The following FMNL2 variants were observed in gnomAD, a reference collection of about 807,000 sequenced individuals.
FMNL2 encodes formin like 2, also known as formin-like protein 2.
Under a neutral mutation model 130.2 loss-of-function variants are expected in FMNL2, and 51 were observed. That is an observed-to-expected ratio of 0.39 (90% confidence interval 0.31 to 0.49). The LOEUF (loss-of-function observed/expected upper bound fraction) is 0.49. Ranked by LOEUF, FMNL2 falls within the 20% of genes least tolerant of loss-of-function variation. The probability of loss-of-function intolerance (pLI) is 0.85; values close to 1 mark genes in which losing one functional copy is unlikely to be tolerated. For synonymous variants in FMNL2, 465 were observed against 467.1 expected (o/e 1.00, Z 0.06); for missense variants, 977 against 1,316.2 (o/e 0.74, Z 3.99).
At chr2:152,389,807 C>T (rs1426107306) in intron 1 of FMNL2, 1 of 1,380,400 alleles carries the variant, frequency 7.2e-7, no homozygotes, top group Admixed American at 1.7e-5. Context: ...GACTTTTTCA[C>T]TGCAGGAGAA....
intron 1 of FMNL2, among the ~76,000 whole-genome samples, chr2:152,419,185 T>C (rs898407556): frequency 7.2e-5 from 11 of 152,194 alleles, no homozygotes; most frequent in Non-Finnish European, 1.2e-4. Flanking sequence ...GGACAAATTA[T>C]AGTTGCAAAT....
intron 9 of FMNL2, among the ~76,000 whole-genome samples, chr2:152,606,370 A>G (rs995312788): frequency 2.6e-5 from 4 of 152,218 alleles, no homozygotes; most frequent in Non-Finnish European, 5.9e-5. Context: ...TTTGCCCCAA[A>G]AAAGTCAACC....
chr2:152,543,727 ACC>A (rs1694449797), intron 3 of FMNL2, among the ~76,000 whole-genome samples: 1 of 111,972 alleles, frequency 8.9e-6, no homozygotes, highest in African/African-American at 3.2e-5. Context: ...CCACCCCCCG[ACC>A]AAAAAAAAAA....
At chr2:152,391,489 G>T (rs941332818) in intron 1 of FMNL2, among the ~76,000 whole-genome samples, 12 of 152,086 alleles carry the variant, frequency 7.9e-5, no homozygotes, top group African/African-American at 2.9e-4. Flanking sequence ...ATCTGGCTGG[G>T]AGGTGTAATT....
chr2:152,461,406 C>G (rs1272213395), intron 1 of FMNL2, among the ~76,000 whole-genome samples: 5 of 151,708 alleles, frequency 3.3e-5, no homozygotes, highest in Non-Finnish European at 1.5e-5. Flanking sequence ...TGATTTACTC[C>G]TAATGCACAT....
At chr2:152,340,124 T>C (rs1261733244) in intron 1 of FMNL2, among the ~76,000 whole-genome samples, 2 of 152,174 alleles carry the variant, frequency 1.3e-5, no homozygotes, top group Admixed American at 6.5e-5. Context: ...AGGTCGAGGC[T>C]GAAGTGAGCT....
At chr2:152,430,423 A>G (rs1460062677) in intron 1 of FMNL2, among the ~76,000 whole-genome samples, 1 of 152,178 alleles carries the variant, frequency 6.6e-6, no homozygotes, top group Non-Finnish European at 1.5e-5. Flanking sequence ...AACTCATTTA[A>G]TTGGAGATGA....
At chr2:152,640,350 T>TC in intron 24 of FMNL2, among the ~76,000 whole-genome samples, 1 of 152,324 alleles carries the variant, frequency 6.6e-6, no homozygotes, top group East Asian at 1.9e-4. Context: ...GGGCTTAGCA[T>TC]CCAGAGAAGG....
At chr2:152,464,021 C>T (rs910139391) in intron 1 of FMNL2, among the ~76,000 whole-genome samples, 6 of 152,232 alleles carry the variant, frequency 3.9e-5, no homozygotes, top group African/African-American at 1.4e-4. Context: ...CAACCTCTGA[C>T]TCGCAGGTTC....
At chr2:152,492,223 C>T (rs1691254117) in intron 1 of FMNL2, among the ~76,000 whole-genome samples, 1 of 151,982 alleles carries the variant, frequency 6.6e-6, no homozygotes, top group Non-Finnish European at 1.5e-5. Context: ...GCCCCCAGAA[C>T]AATTACCTTG....
chr2:152,486,820 G>A (rs13418832), intron 1 of FMNL2, among the ~76,000 whole-genome samples: 14 of 152,144 alleles, frequency 9.2e-5, no homozygotes, highest in Non-Finnish European at 1.8e-4. Context: ...AAAAGCTATC[G>A]TAACATGCCC....
chr2:152,648,854 C>G lies in FMNL2; in HGVS notation c.*949C>G, dbSNP rs565792151. The stretch of plus-strand genomic sequence containing the variant: ...ATACACTTGGCATCGTGTATCGAGG[C>G]TAAGTTTTTCATGCATTTCCCAGAC... On this transcript the variant is annotated 3_prime_UTR_variant, in exon 26 of 26. Transcript: ENST00000288670. 6.6e-6 allele frequency: 1 copy of G among 152,644 alleles called. No homozygotes were observed. Among genetic ancestry groups the G allele is most frequent in the East Asian group, 1.9e-4 (1 of 5,172 alleles). 9.5% of individuals were successfully genotyped at this position (152,644 alleles called of 1,614,324 possible).
intron 1 of FMNL2, among the ~76,000 whole-genome samples, chr2:152,335,960 G>C (rs953334285): frequency 1.5e-4 from 23 of 151,910 alleles, no homozygotes; most frequent in African/African-American, 5.1e-4. Flanking sequence ...TGCCCAACCA[G>C]CCTCGAACCC....
intron 15 of FMNL2, among the ~76,000 whole-genome samples, chr2:152,624,852 G>A (rs13427289): frequency 0.22 from 32,702 of 151,958 alleles, 3,913 homozygotes; most frequent in Non-Finnish European, 0.28. Context: ...TTCTCATTTA[G>A]GCCATTCATA....
intron 1 of FMNL2, among the ~76,000 whole-genome samples, chr2:152,389,231 G>T (rs574549049): frequency 2.0e-4 from 31 of 152,254 alleles, no homozygotes; most frequent in African/African-American, 7.2e-4. Context: ...TCATGGTTCT[G>T]GAGACTGAGA....
At chr2:152,604,230 A>G (rs929386076) in intron 9 of FMNL2, among the ~76,000 whole-genome samples, 14 of 150,846 alleles carry the variant, frequency 9.3e-5, no homozygotes, top group African/African-American at 3.4e-4. Flanking sequence ...GGGAGAAGGA[A>G]CCTCAGGCTG....
At chr2:152,501,095 G>A (rs754057783) in intron 1 of FMNL2, among the ~76,000 whole-genome samples, 7 of 152,172 alleles carry the variant, frequency 4.6e-5, no homozygotes, top group African/African-American at 4.8e-5. Flanking sequence ...TTTTCATGAC[G>A]GTTTTAAAAG....
At chr2:152,593,863 G>GAGAGAC (rs1697588919) in intron 9 of FMNL2, among the ~76,000 whole-genome samples, 1 of 74,430 alleles carries the variant, frequency 1.3e-5, no homozygotes. Context: ...GAGAGAGAGT[G>GAGAGAC]TGTGTGTGTG....
chr2:152,396,753 T>C (rs1194188512), intron 1 of FMNL2, among the ~76,000 whole-genome samples: 1 of 152,252 alleles, frequency 6.6e-6, no homozygotes, highest in Non-Finnish European at 1.5e-5. Context: ...ACTTTTTGTA[T>C]AGATGTTCTT....
Sources: gnomAD v4.1 joint callset for allele counts (sites outside exome capture counted in the v4.1 genomes callset) on GRCh38, gnomAD v4.1.1 for gene constraint, MANE v1.5 for transcripts, NCBI Gene and HGNC (gene_info 2026-07-23, HGNC 2026-07-21) for gene names.